The following LPP variants were observed in gnomAD, a reference collection of about 807,000 sequenced individuals.
LPP encodes the protein lipoma-preferred partner.
Under a neutral mutation model 60.4 loss-of-function variants are expected in LPP, and 38 were observed. The ratio of observed to expected loss-of-function variants is 0.63; its 90% CI spans 0.49 to 0.83. The LOEUF (loss-of-function observed/expected upper bound fraction) is 0.83. Ranked by LOEUF, LPP falls within the 40% of genes least tolerant of loss-of-function variation. The pLI, the probability that LPP is intolerant of heterozygous loss-of-function variation, is 0.00. For synonymous variants in LPP, 328 were observed against 290.8 expected (o/e 1.13, Z -1.30); for missense variants, 902 against 783.6 (o/e 1.15, Z -1.80).
chr3:188,647,957 A>G (rs961055719), intron 7 of LPP, among the ~76,000 whole-genome samples: 6 of 152,222 alleles, frequency 3.9e-5, no homozygotes, highest in African/African-American at 1.2e-4. Context: ...GGTCTTACTA[A>G]GCCTCAATGT....
chr3:188,615,663 A>G (rs1236627437), intron 7 of LPP, among the ~76,000 whole-genome samples: 1 of 152,188 alleles, frequency 6.6e-6, no homozygotes, highest in Admixed American at 6.5e-5. Flanking sequence ...TGTACAGCTC[A>G]GGTGCATTTT....
At chr3:188,164,591 G>A (rs946660820) in intron 1 of LPP, among the ~76,000 whole-genome samples, 2 of 152,190 alleles carry the variant, frequency 1.3e-5, no homozygotes, top group African/African-American at 4.8e-5. Context: ...GGCTGGGTGT[G>A]CCCTGACTCA....
intron 3 of LPP, among the ~76,000 whole-genome samples, chr3:188,401,172 T>A (rs1302484455): frequency 6.6e-6 from 1 of 152,188 alleles, no homozygotes; most frequent in Non-Finnish European, 1.5e-5. Flanking sequence ...CCATCCTACA[T>A]GATTCAATTT....
intron 4 of LPP, among the ~76,000 whole-genome samples, chr3:188,434,073 A>C (rs1791698649): frequency 6.6e-6 from 1 of 152,176 alleles, no homozygotes; most frequent in Non-Finnish European, 1.5e-5. Flanking sequence ...CGAAGTCTAC[A>C]GATGCTGTGA....
At chr3:188,179,474 G>C in intron 1 of LPP, 3 of 457,792 alleles carry the variant, frequency 6.6e-6, no homozygotes, top group Non-Finnish European at 1.3e-5. Context: ...TTCCCTTCTG[G>C]GGCGCCCACA....
At chr3:188,429,083 T>C (rs947474773) in intron 4 of LPP, among the ~76,000 whole-genome samples, 1 of 152,162 alleles carries the variant, frequency 6.6e-6, no homozygotes, top group African/African-American at 2.4e-5. Context: ...AGTTACCTTG[T>C]TAACTAGACT....
chr3:188,373,646 A>G (rs1773989663), intron 3 of LPP, among the ~76,000 whole-genome samples: 1 of 151,770 alleles, frequency 6.6e-6, no homozygotes, highest in African/African-American at 2.4e-5. Context: ...ATTTTCTCCC[A>G]TTCTGTAGGT....
chr3:188,740,157 A>G (rs1367047768), intron 8 of LPP, among the ~76,000 whole-genome samples: 2 of 152,058 alleles, frequency 1.3e-5, no homozygotes, highest in African/African-American at 4.8e-5. Flanking sequence ...GCTAATGTTG[A>G]TATCAACACA....
intron 8 of LPP, chr3:188,759,177 A>T (rs1241759473): frequency 6.6e-6 from 1 of 152,200 alleles, no homozygotes; most frequent in Non-Finnish European, 1.5e-5. Context: ...TCACTGACAT[A>T]ACTATTTGTC....
intron 3 of LPP, among the ~76,000 whole-genome samples, chr3:188,356,379 T>C (rs1247692658): frequency 6.6e-6 from 1 of 152,166 alleles, no homozygotes; most frequent in Non-Finnish European, 1.5e-5. Flanking sequence ...TGAAATTAGA[T>C]TAGATCAGTG....
chr3:188,498,351 C>T (rs1355787251), intron 5 of LPP, among the ~76,000 whole-genome samples: 1 of 152,272 alleles, frequency 6.6e-6, no homozygotes, highest in African/African-American at 2.4e-5. Context: ...CAATAACCCC[C>T]CATTCCACTC....
At position 188,813,907 on chromosome 3, in the gene LPP, T is replaced by C. The variant is rs796616332; in HGVS notation, c.1411-52293T>C. 2.0e-5 allele frequency among the ~76,000 whole-genome samples: 3 copies of C among 151,946 alleles called. No homozygotes were observed. The South Asian group carries it at 6.2e-4, about 32-fold the overall frequency. On this transcript the variant is annotated intron_variant, in intron 9 of 11. Coordinates refer to ENST00000617246, the MANE Select transcript of LPP (RefSeq NM_001375462.1). The stretch of plus-strand genomic sequence containing the variant: ...CAACATGGTGAAACCCTGTCTCTAC[T>C]AAAAACACAAAAAAATTAGGTAGGT...
chr3:188,760,624 T>C (rs1731987811), intron 9 of LPP, among the ~76,000 whole-genome samples: 1 of 152,132 alleles, frequency 6.6e-6, no homozygotes, highest in African/African-American at 2.4e-5. Context: ...CAGAAAGCTT[T>C]CCAAGTAGCT....
At chr3:188,397,069 C>A (rs573604060) in intron 3 of LPP, among the ~76,000 whole-genome samples, 104 of 152,288 alleles carry the variant, frequency 6.8e-4, no homozygotes, top group African/African-American at 2.5e-3. Context: ...GCCATGGTTG[C>A]GAACTTTCTT....
At chr3:188,489,211 G>A (rs1807572092) in intron 5 of LPP, among the ~76,000 whole-genome samples, 1 of 152,176 alleles carries the variant, frequency 6.6e-6, no homozygotes, top group African/African-American at 2.4e-5. Context: ...GATCAGTACA[G>A]TACTCAGAAT....
intron 4 of LPP, among the ~76,000 whole-genome samples, chr3:188,463,504 G>A (rs1003289757): frequency 3.3e-5 from 5 of 152,008 alleles, no homozygotes; most frequent in African/African-American, 9.7e-5. Context: ...CTGCGTGCAC[G>A]GTTTCTTCAT....
chr3:188,351,066 A>G (rs528916487), intron 3 of LPP, among the ~76,000 whole-genome samples: 73 of 152,230 alleles, frequency 4.8e-4, no homozygotes, highest in African/African-American at 1.6e-3. Context: ...CCATCTTTCC[A>G]TGTTTCCACC....
intron 3 of LPP, among the ~76,000 whole-genome samples, chr3:188,371,616 AATATAT>A (rs57935178): frequency 5.7e-4 from 14 of 24,380 alleles, no homozygotes; most frequent in Admixed American, 2.1e-3. Flanking sequence ...GTGGTGGGAA[AATATAT>A]ATATATATAT....
chr3:188,725,414 C>T (rs530439809), intron 8 of LPP: 85 of 152,322 alleles, frequency 5.6e-4, no homozygotes, highest in Middle Eastern at 6.8e-3. Context: ...TGGAGATCAC[C>T]TATGAAGACA....
Sources: allele counts gnomAD v4.1 joint callset (sites outside exome capture counted in the v4.1 genomes callset), GRCh38; gene constraint gnomAD v4.1.1; transcripts MANE v1.5; gene names NCBI Gene and HGNC (gene_info 2026-07-23, HGNC 2026-07-21).